PTPRD: variants seen among roughly 807,000 people sequenced by gnomAD.
PTPRD encodes the protein protein tyrosine phosphatase receptor type D.
In PTPRD, 34 loss-of-function variants were observed where a neutral mutation model predicts 214.5. That is an observed-to-expected ratio of 0.16 (90% CI 0.12 to 0.21). The LOEUF (loss-of-function observed/expected upper bound fraction) is 0.21. PTPRD is among the 10% of genes least tolerant of loss of function. The pLI, the probability that PTPRD is intolerant of heterozygous loss-of-function variation, is 1.00. For missense variants in PTPRD, 2,545 were observed against 2,398.7 expected, an observed-to-expected ratio of 1.06 and a Z score of -1.27; for synonymous variants, 1,128 against 845.7, an observed-to-expected ratio of 1.33 and a Z score of -5.79.
chr9:8,538,596 C>A (rs2077531039), intron 14 of PTPRD, among the ~76,000 whole-genome samples: 1 of 151,256 alleles, frequency 6.6e-6, no homozygotes, highest in Non-Finnish European at 1.5e-5. Context: ...TTGGTGTGAA[C>A]ACCTAGTTTT....
chr9:9,166,849 T>A (rs959290769), intron 10 of PTPRD, among the ~76,000 whole-genome samples: 1 of 152,106 alleles, frequency 6.6e-6, no homozygotes, highest in African/African-American at 2.4e-5. Flanking sequence ...TACCTATAGT[T>A]GTAAGAGGTT....
chr9:8,358,692 G>C (rs527306752), intron 39 of PTPRD, among the ~76,000 whole-genome samples: 2 of 152,032 alleles, frequency 1.3e-5, no homozygotes, highest in Admixed American at 6.5e-5. Flanking sequence ...TTTTAATTCA[G>C]TTAGCCTAAC....
chr9:9,822,036 C>T (rs1191283824), intron 5 of PTPRD, among the ~76,000 whole-genome samples: 1 of 151,424 alleles, frequency 6.6e-6, no homozygotes, highest in Non-Finnish European at 1.5e-5. Flanking sequence ...CTTATCTGTA[C>T]ATTTGCCAAA....
intron 7 of PTPRD, among the ~76,000 whole-genome samples, chr9:9,641,216 T>C (rs1324092134): frequency 2.0e-5 from 3 of 152,240 alleles, no homozygotes; most frequent in Non-Finnish European, 2.9e-5. Flanking sequence ...AAAATCATGA[T>C]ACTCTTGAGT....
chr9:8,765,065 G>C (rs1235134890), intron 11 of PTPRD, among the ~76,000 whole-genome samples: 1 of 152,108 alleles, frequency 6.6e-6, no homozygotes, highest in Admixed American at 6.6e-5. Context: ...TGATTATCTA[G>C]CTTCCTTTCA....
chr9:9,733,922 G>C (rs958621107), intron 7 of PTPRD, among the ~76,000 whole-genome samples: 1 of 152,136 alleles, frequency 6.6e-6, no homozygotes, highest in Non-Finnish European at 1.5e-5. Context: ...TGAATACAAA[G>C]CTGCTGTTTG....
At chr9:8,749,183 T>C (rs1470648810) in intron 11 of PTPRD, among the ~76,000 whole-genome samples, 1 of 152,120 alleles carries the variant, frequency 6.6e-6, no homozygotes, top group Non-Finnish European at 1.5e-5. Context: ...GGATTTTTTG[T>C]TTTTGTTCTT....
At chr9:10,069,488 A>G (rs2097952845) in intron 3 of PTPRD, among the ~76,000 whole-genome samples, 3 of 151,960 alleles carry the variant, frequency 2.0e-5, no homozygotes, top group Admixed American at 1.3e-4. Context: ...TTAATTGTGA[A>G]TAGCTCCAGT....
chr9:9,324,905 C>T (rs186389375), intron 9 of PTPRD, among the ~76,000 whole-genome samples: 63 of 152,314 alleles, frequency 4.1e-4, no homozygotes, highest in African/African-American at 1.3e-3. Context: ...CAGCTTTCTA[C>T]GTATGGCTAG....
intron 3 of PTPRD, among the ~76,000 whole-genome samples, chr9:10,202,671 G>GATACATATAT (rs2099431716): frequency 8.8e-6 from 1 of 113,128 alleles, no homozygotes; most frequent in East Asian, 2.7e-4. Context: ...AAATTATATG[G>GATACATATAT]ATATATATAT....
chr9:9,860,455 T>C (rs113406158), intron 5 of PTPRD, among the ~76,000 whole-genome samples: 3 of 152,376 alleles, frequency 2.0e-5, no homozygotes, highest in African/African-American at 4.8e-5. Flanking sequence ...TCATGGTTTC[T>C]TGTTTATTGT....
intron 3 of PTPRD, among the ~76,000 whole-genome samples, chr9:10,279,453 G>T (rs150652908): frequency 2.0e-5 from 3 of 152,010 alleles, no homozygotes; most frequent in East Asian, 3.9e-4. Flanking sequence ...ATGATTTCTT[G>T]GTCTTTCTTC....
Position 10,502,003 on chromosome 9 carries a change from G to A in PTPRD, c.-600+110395C>T, listed in dbSNP as rs111466885. Among the ~76,000 whole-genome samples, 13 of 151,972 alleles carry A rather than the reference G, an allele frequency of 8.6e-5. 1 individual carries two copies. Among genetic ancestry groups the A allele is most frequent in the African/African-American group, 3.1e-4 (13 of 41,518 alleles). On this transcript the variant is annotated intron_variant, in intron 2 of 45. Coordinates refer to ENST00000381196, the MANE Select transcript of PTPRD (RefSeq NM_002839.4). ...TCCTCAGGAGATTCTAGTGTACAGA[G>A]TTGAGAACCACTGCTATATAGAAAC...
At chr9:8,658,671 G>GA (rs35547116) in intron 12 of PTPRD, among the ~76,000 whole-genome samples, 8,187 of 122,072 alleles carry the variant, frequency 0.067, 324 homozygotes, top group Non-Finnish European at 0.11. Context: ...AGCACATTTG[G>GA]AAAAAAAAAA....
chr9:9,041,201 G>C (rs776755819), intron 10 of PTPRD, among the ~76,000 whole-genome samples: 34 of 152,098 alleles, frequency 2.2e-4, no homozygotes, highest in Non-Finnish European at 4.6e-4. Flanking sequence ...CATTCATAAA[G>C]ACTTCCCTTT....
intron 9 of PTPRD, among the ~76,000 whole-genome samples, chr9:9,271,261 T>C (rs896520244): frequency 2.0e-5 from 3 of 151,218 alleles, no homozygotes; most frequent in Admixed American, 6.6e-5. Flanking sequence ...AGTATTTTTT[T>C]CCTTCAAACT....
At chr9:10,594,667 C>T (rs751134623) in intron 2 of PTPRD, among the ~76,000 whole-genome samples, 1 of 151,938 alleles carries the variant, frequency 6.6e-6, no homozygotes, top group Non-Finnish European at 1.5e-5. Flanking sequence ...GTCATTCACA[C>T]CATCCATCGA....
intron 30 of PTPRD, among the ~76,000 whole-genome samples, chr9:8,478,153 A>C (rs1449447761): frequency 6.6e-6 from 1 of 152,240 alleles, no homozygotes; most frequent in Non-Finnish European, 1.5e-5. Context: ...TAGAGGAAGA[A>C]TACCTACCTC....
chr9:9,702,266 T>C (rs1203226615), intron 7 of PTPRD, among the ~76,000 whole-genome samples: 1 of 152,182 alleles, frequency 6.6e-6, no homozygotes, highest in African/African-American at 2.4e-5. Context: ...TAAAACAGTG[T>C]AATCTAAAGA....
Sources: allele counts gnomAD v4.1 joint callset (sites outside exome capture counted in the v4.1 genomes callset), GRCh38; gene constraint gnomAD v4.1.1; transcripts MANE v1.5; gene names NCBI Gene and HGNC (gene_info 2026-07-23, HGNC 2026-07-21).